Variants in TAB3 observed in about 807,000 individuals in gnomAD.
TAB3 encodes TGF-beta activated kinase 1 (MAP3K7) binding protein 3, also known as TGF-beta-activated kinase 1 and MAP3K7-binding protein 3.
A neutral mutation model predicts 48.1 loss-of-function variants in TAB3; 18 were observed. That is an observed-to-expected ratio of 0.37 (90% CI 0.26 to 0.55). The LOEUF (loss-of-function observed/expected upper bound fraction) is 0.55, where lower values mean the gene tolerates loss of function less well. TAB3 is among the 20% of genes least tolerant of loss of function. TAB3 has a pLI of 0.78. For synonymous variants in TAB3, 185 were observed against 190.2 expected (o/e 0.97, Z 0.22); for missense variants, 414 against 549.8 (o/e 0.75, Z 2.47).
At position 30,872,374 on chromosome X, in the gene TAB3, TTTTG is replaced by T. The variant is rs751500289; in HGVS notation, c.-382-577_-382-574del. Among the ~76,000 whole-genome samples, 8 of 111,449 alleles carry T rather than the reference TTTTG, an allele frequency of 7.2e-5. No homozygotes were observed. In the East Asian group the frequency reaches 1.4e-3, roughly 20 times the overall value. ...GAGTATACAATCTTTTCTTCTGTTT[TTTTG>T]TTTGTTTTTCCCTGCCACCCTACCT... On this transcript the variant is annotated intron_variant, in intron 1 of 10. Coordinates refer to ENST00000288422, the MANE Select transcript of TAB3 (RefSeq NM_152787.5).
intron 9 of TAB3, among the ~76,000 whole-genome samples, chrX:30,836,998 G>A (rs1242899090): frequency 1.9e-5 from 2 of 106,620 alleles, no homozygotes; most frequent in African/African-American, 3.4e-5. Context: ...CTCCCACCTC[G>A]AATACATGGT....
rs955575908 is a variant in TAB3, at chrX:30,834,018, T to A, written c.1990+33A>T. 9 of 1,140,111 alleles carry A rather than the reference T, an allele frequency of 7.9e-6. No homozygotes were observed. In the Admixed American group the frequency reaches 8.8e-5, roughly 11 times the overall value. The allele number at this position is 1,140,111 out of a possible 1,213,427, so 94.0% of individuals were successfully genotyped here. On this transcript the variant is annotated intron_variant, in intron 10 of 10. Transcript: ENST00000288422. The stretch of plus-strand genomic sequence containing the variant: ...ATGGATTAACATGTGTCTTTGGACA[T>A]TCTGCACAAACTCTGGACACACAAG...
intron 1 of TAB3, among the ~76,000 whole-genome samples, chrX:30,881,351 GTT>G (rs1169627558): frequency 9.1e-6 from 1 of 109,767 alleles, no homozygotes; most frequent in Non-Finnish European, 1.9e-5. Context: ...TCAGTAAGAG[GTT>G]TTTTGTTTTT....
At chrX:30,859,204 T>C (rs985053847) in intron 5 of TAB3, among the ~76,000 whole-genome samples, 5 of 111,186 alleles carry the variant, frequency 4.5e-5, no homozygotes, top group African/African-American at 1.6e-4. Context: ...ACATTTTCAG[T>C]TGTCACAACT....
intron 7 of TAB3, among the ~76,000 whole-genome samples, chrX:30,848,512 A>G (rs772254817): frequency 4.2e-4 from 47 of 111,143 alleles, no homozygotes; most frequent in African/African-American, 1.4e-3. Context: ...ACAGAGTGAG[A>G]CTCTGTCTCA....
intron 7 of TAB3, among the ~76,000 whole-genome samples, chrX:30,848,283 G>T (rs945913782): frequency 8.9e-6 from 1 of 112,171 alleles, no homozygotes; most frequent in Non-Finnish European, 1.9e-5. Context: ...CGGCACTTTG[G>T]GGGGCCAAGG....
intron 7 of TAB3, among the ~76,000 whole-genome samples, chrX:30,847,069 T>C (rs151300607): frequency 7.1e-4 from 79 of 111,529 alleles, no homozygotes; most frequent in Middle Eastern, 4.6e-3. Flanking sequence ...ACCAGAATTC[T>C]CTCATTCCTT....
At chrX:30,861,732 T>TA (rs1488458245) in intron 4 of TAB3, among the ~76,000 whole-genome samples, 3 of 111,757 alleles carry the variant, frequency 2.7e-5, no homozygotes, top group Non-Finnish European at 5.6e-5. Context: ...CATTGTCCAG[T>TA]AAAAAATATG....
chrX:30,845,682 T>C (rs906258657), intron 8 of TAB3: 1 of 128,656 alleles, frequency 7.8e-6, no homozygotes, highest in African/African-American at 3.2e-5. Context: ...TTAAGAACAC[T>C]TATAATGCAA....
intron 9 of TAB3, chrX:30,836,053 C>T (rs982983819): frequency 8.9e-6 from 1 of 111,899 alleles, no homozygotes; most frequent in African/African-American, 3.2e-5. Context: ...TGAGAATCTG[C>T]AAGTGCTTAA....
At chrX:30,869,883 G>A (rs970021224) in intron 2 of TAB3, among the ~76,000 whole-genome samples, 1 of 111,992 alleles carries the variant, frequency 8.9e-6, no homozygotes, top group African/African-American at 3.2e-5. Flanking sequence ...AGAAAATATC[G>A]AAGTGTTTCA....
intron 7 of TAB3, among the ~76,000 whole-genome samples, chrX:30,848,334 G>GC (rs1314207448): frequency 8.9e-6 from 1 of 112,059 alleles, no homozygotes; most frequent in African/African-American, 3.2e-5. Context: ...GATCAGCCTG[G>GC]CCAACATGGC....
intron 9 of TAB3, among the ~76,000 whole-genome samples, chrX:30,840,152 T>G (rs1938390466): frequency 9.1e-6 from 1 of 109,419 alleles, no homozygotes; most frequent in South Asian, 3.9e-4. Context: ...TTGTGTTCTC[T>G]TTTTTTACAG....
chrX:30,834,290 A>G, intron 9 of TAB3, 138 bp from the exon 10 acceptor site: 1 of 497,417 alleles, frequency 2.0e-6, no homozygotes, highest in South Asian at 3.3e-5. Flanking sequence ...TACCTTTAGC[A>G]AGGGCAGGCA....
intron 4 of TAB3, among the ~76,000 whole-genome samples, chrX:30,862,962 T>G (rs1939293657): frequency 8.9e-6 from 1 of 112,399 alleles, no homozygotes; most frequent in African/African-American, 3.2e-5. Context: ...AGTTAGCTGT[T>G]TAAACACACA....
intron 1 of TAB3, among the ~76,000 whole-genome samples, chrX:30,888,825 C>T (rs1398652694): frequency 8.9e-6 from 1 of 112,637 alleles, no homozygotes; most frequent in East Asian, 2.8e-4. Flanking sequence ...ATCGTCCCCT[C>T]CGTTTGGGGG....
At chrX:30,842,750 CAG>C (rs1938494714) in intron 9 of TAB3, among the ~76,000 whole-genome samples, 1 of 110,715 alleles carries the variant, frequency 9.0e-6, no homozygotes, top group Non-Finnish European at 1.9e-5. Context: ...CGCTGGAGCC[CAG>C]AAGGTCGAGG....
intron 8 of TAB3, chrX:30,844,180 A>G (rs1938550398): frequency 9.0e-6 from 1 of 111,366 alleles, no homozygotes. Context: ...GCAGTGTGGA[A>G]GAGTAGAATT....
In TAB3 at chrX:30,854,155, T is replaced by C; in HGVS notation, c.1510A>G (p.Ser504Gly). The part of the protein sequence containing the change: ...GEKGSHKYQR[S>G]SSSGSDDYAY... ...TAGTCATCTGATCCAGAACTAGAAC[T>C]TCTCTGATATTTATGGCTTCCCTTT... is the stretch of plus-strand genomic sequence containing the variant. The change falls in exon 6 of 11, where the codon AGT (serine) becomes GGT (glycine). Residue 504 changes from serine (S) to glycine (G), a missense_variant. By Grantham distance (56) the Ser-to-Gly change is moderately conservative. Coordinates refer to ENST00000288422, the MANE Select transcript of TAB3 (RefSeq NM_152787.5). The C allele has an allele frequency of 5.0e-6, 6 of 1,206,824 alleles. No homozygotes were observed. Among genetic ancestry groups the C allele is most frequent in the Non-Finnish European group, 6.7e-6 (6 of 893,940 alleles).
Sources: gnomAD v4.1 joint callset for allele counts (sites outside exome capture counted in the v4.1 genomes callset) on GRCh38, gnomAD v4.1.1 for gene constraint, MANE v1.5 for transcripts, NCBI Gene and HGNC (gene_info 2026-07-23, HGNC 2026-07-21) for gene names.